Variants in ZNF469 observed in about 807,000 individuals in gnomAD.
ZNF469 encodes zinc finger protein 469.
In ZNF469, 1 loss-of-function variant was observed where a neutral mutation model predicts 1.0. The ratio of observed to expected loss-of-function variants is 1.00; its 90% confidence interval spans 0.35 to 4.73. ZNF469 has a LOEUF of 4.73. ZNF469 is among the 30% of genes most tolerant of loss of function. ZNF469 has a pLI of 0.16. For synonymous variants in ZNF469, 2,703 were observed against 2,363.4 expected, an observed-to-expected ratio of 1.14 and a Z score of -4.17; for missense variants, 6,100 against 5,356.3, an observed-to-expected ratio of 1.14 and a Z score of -4.33.
chr16:88,126,675 A>G, the ZNF469 span, among the ~76,000 whole-genome samples: 1 of 149,924 alleles, frequency 6.7e-6, no homozygotes, highest in Non-Finnish European at 1.5e-5. Flanking sequence ...TTTTTTTGAG[A>G]CAAAGTCTTG....
chr16:88,331,858 C>A, the ZNF469 span, among the ~76,000 whole-genome samples: 1 of 152,248 alleles, frequency 6.6e-6, no homozygotes. Flanking sequence ...CCATTGTTGT[C>A]ATCATTATTC....
the ZNF469 span, among the ~76,000 whole-genome samples, chr16:88,256,237 C>T: frequency 6.6e-6 from 1 of 152,226 alleles, no homozygotes; most frequent in African/African-American, 2.4e-5. Flanking sequence ...CCCCGGGCAA[C>T]CACTCATCTT....
the ZNF469 span, among the ~76,000 whole-genome samples, chr16:88,253,375 C>A: frequency 6.6e-6 from 1 of 151,912 alleles, no homozygotes; most frequent in Admixed American, 6.6e-5. Flanking sequence ...TTGTTTTTTC[C>A]TTTTAGCTCT....
At chr16:88,114,407 A>G in the ZNF469 span, among the ~76,000 whole-genome samples, 3 of 120,502 alleles carry the variant, frequency 2.5e-5, no homozygotes, top group Admixed American at 2.0e-4. Context: ...GGGGTGGGGA[A>G]TGACAGGGAC....
At chr16:88,265,973 A>G in the ZNF469 span, among the ~76,000 whole-genome samples, 2 of 152,178 alleles carry the variant, frequency 1.3e-5, no homozygotes, top group Non-Finnish European at 2.9e-5. Context: ...AAATTTGCAC[A>G]TGACGGGCCC....
the ZNF469 span, among the ~76,000 whole-genome samples, chr16:88,211,479 C>T: frequency 6.6e-6 from 1 of 152,062 alleles, no homozygotes. Context: ...CTTTGAATGT[C>T]TAGTGATCTT....
the ZNF469 span, among the ~76,000 whole-genome samples, chr16:88,229,885 G>A: frequency 3.9e-5 from 6 of 152,180 alleles, no homozygotes; most frequent in South Asian, 4.1e-4. Context: ...CAGCAGGGCC[G>A]GTGGCTCTCC....
At chr16:88,109,096 G>A in the ZNF469 span, among the ~76,000 whole-genome samples, 3 of 152,188 alleles carry the variant, frequency 2.0e-5, no homozygotes, top group Non-Finnish European at 2.9e-5. Context: ...CAGGGTTGTC[G>A]ACGGCTCATA....
the ZNF469 span, among the ~76,000 whole-genome samples, chr16:88,188,066 G>A: frequency 6.6e-6 from 1 of 152,022 alleles, no homozygotes; most frequent in Non-Finnish European, 1.5e-5. Context: ...CTCAGGGCCT[G>A]GCCCTAAGCT....
the ZNF469 span, among the ~76,000 whole-genome samples, chr16:88,117,185 C>T: frequency 9.5e-4 from 44 of 46,086 alleles, no homozygotes; most frequent in South Asian, 0.033. Flanking sequence ...ATGTGAGGGC[C>T]GGGGATGTGT....
chr16:88,162,167 T>C, the ZNF469 span, among the ~76,000 whole-genome samples: 48 of 152,252 alleles, frequency 3.2e-4, no homozygotes, highest in Non-Finnish European at 6.5e-4. Flanking sequence ...AAATCCTCCA[T>C]TTAGCCAACT....
At chr16:88,216,989 A>G in the ZNF469 span, among the ~76,000 whole-genome samples, 1 of 150,610 alleles carries the variant, frequency 6.6e-6, no homozygotes, top group South Asian at 2.1e-4. Flanking sequence ...CTGTTCCTCT[A>G]TTTTCCTGAG....
chr16:88,194,018 C>G, the ZNF469 span, among the ~76,000 whole-genome samples: 1 of 152,198 alleles, frequency 6.6e-6, no homozygotes, highest in Admixed American at 6.5e-5. Context: ...TGTGGAGGGA[C>G]ACAAACACTC....
At chr16:88,360,038 G>T in the ZNF469 span, among the ~76,000 whole-genome samples, 1 of 152,134 alleles carries the variant, frequency 6.6e-6, no homozygotes, top group Non-Finnish European at 1.5e-5. Flanking sequence ...TGTATTTTTA[G>T]TAGAGATGGG....
the ZNF469 span, among the ~76,000 whole-genome samples, chr16:88,251,540 T>TTTTTTTTG: frequency 5.2e-5 from 1 of 19,118 alleles, no homozygotes; most frequent in Non-Finnish European, 1.1e-4. Flanking sequence ...CCTGCTGTCT[T>TTTTTTTTG]TTTTTTTTTT....
At chr16:88,161,250 G>A in the ZNF469 span, among the ~76,000 whole-genome samples, 1 of 152,112 alleles carries the variant, frequency 6.6e-6, no homozygotes, top group Non-Finnish European at 1.5e-5. Flanking sequence ...AATTCTGGTG[G>A]AGCATAATAG....
At chr16:88,191,064 T>C in the ZNF469 span, among the ~76,000 whole-genome samples, 3 of 151,136 alleles carry the variant, frequency 2.0e-5, no homozygotes, top group Non-Finnish European at 3.0e-5. Context: ...CAAAGTCTTA[T>C]TAGCTACCCT....
chr16:88,283,661 C>G, the ZNF469 span, among the ~76,000 whole-genome samples: 1 of 152,214 alleles, frequency 6.6e-6, no homozygotes, highest in East Asian at 1.9e-4. Context: ...GTTCATGATT[C>G]TCTGGGGTGT....
the ZNF469 span, among the ~76,000 whole-genome samples, chr16:88,364,020 C>T: frequency 6.6e-6 from 1 of 152,204 alleles, no homozygotes; most frequent in Non-Finnish European, 1.5e-5. Flanking sequence ...TCCTTTATAA[C>T]TAGTGTCTTG....
Sources: gnomAD v4.1 joint callset for allele counts (sites outside exome capture counted in the v4.1 genomes callset) on GRCh38, gnomAD v4.1.1 for gene constraint, MANE v1.5 for transcripts, NCBI Gene and HGNC (gene_info 2026-07-23, HGNC 2026-07-21) for gene names.